TSPAN18: variants seen among roughly 807,000 people sequenced by gnomAD.
The protein encoded by TSPAN18 is tetraspanin 18.
TSPAN18 carries 14 observed loss-of-function variants against 27.3 expected under a neutral mutation model. The ratio of observed to expected loss-of-function variants is 0.51; its 90% CI spans 0.34 to 0.80. The LOEUF (loss-of-function observed/expected upper bound fraction) is 0.80, where lower values mean the gene tolerates loss of function less well. Ranked by LOEUF, TSPAN18 falls within the 30% of genes least tolerant of loss-of-function variation. TSPAN18 has a pLI of 0.01. For synonymous variants in TSPAN18, 143 were observed against 136.5 expected (o/e 1.05, Z -0.33); for missense variants, 268 against 323.9 (o/e 0.83, Z 1.32).
chr11:44,882,692 G>C (rs1858529503), intron 3 of TSPAN18, among the ~76,000 whole-genome samples: 1 of 151,948 alleles, frequency 6.6e-6, no homozygotes, highest in South Asian at 2.1e-4. Flanking sequence ...CAGAGACAGA[G>C]AGACAAGACT....
At chr11:44,849,555 G>A (rs1409293122) in intron 2 of TSPAN18, among the ~76,000 whole-genome samples, 1 of 152,156 alleles carries the variant, frequency 6.6e-6, no homozygotes, top group Non-Finnish European at 1.5e-5. Flanking sequence ...GCAGATGGGG[G>A]TGTGGCCTCC....
At chr11:44,729,774 A>G (rs1854607047) in intron 1 of TSPAN18, among the ~76,000 whole-genome samples, 2 of 152,144 alleles carry the variant, frequency 1.3e-5, no homozygotes, top group African/African-American at 4.8e-5. Flanking sequence ...TCTGCCCTTT[A>G]AAAAATGAGA....
chr11:44,915,904 C>G (rs915244123), intron 5 of TSPAN18, among the ~76,000 whole-genome samples: 1 of 152,156 alleles, frequency 6.6e-6, no homozygotes, highest in East Asian at 1.9e-4. Flanking sequence ...AAGCCTGTGT[C>G]GGAGCAGCTG....
At chr11:44,908,050 G>A (rs865941476) in intron 4 of TSPAN18, among the ~76,000 whole-genome samples, 5 of 70,460 alleles carry the variant, frequency 7.1e-5, no homozygotes, top group Admixed American at 1.8e-4. Flanking sequence ...GTGAAACTCC[G>A]TCTCAGAAAA....
Position 44,827,526 on chromosome 11 carries a change from G to T in TSPAN18, c.-152-32802G>T, listed in dbSNP as rs147083651. Among the ~76,000 whole-genome samples the T allele has an allele frequency of 4.5e-3, 687 of 152,316 alleles. 6 individuals carry two copies. The highest frequency in any genetic ancestry group is 0.013 in the African/African-American group (542 of 41,564). ...GCCAGGGCAGGTAGGGAAGATGGGG[G>T]TGTCTCCAGGTAGGTGATTTCCTTA... On this transcript the variant is annotated intron_variant, in intron 2 of 9. Coordinates refer to ENST00000520358, the MANE Select transcript of TSPAN18 (RefSeq NM_130783.5).
intron 2 of TSPAN18, among the ~76,000 whole-genome samples, chr11:44,811,410 A>G (rs76609987): frequency 0.13 from 19,634 of 152,146 alleles, 1,676 homozygotes; most frequent in Non-Finnish European, 0.19. Flanking sequence ...ATGTAAGCAC[A>G]ATTAATCTCC....
At chr11:44,814,838 A>G (rs1856789652) in intron 2 of TSPAN18, among the ~76,000 whole-genome samples, 1 of 152,230 alleles carries the variant, frequency 6.6e-6, no homozygotes, top group Admixed American at 6.5e-5. Flanking sequence ...TAAAGAAAGC[A>G]AGTACATAAG....
At chr11:44,817,114 G>A in intron 2 of TSPAN18, among the ~76,000 whole-genome samples, 1 of 152,340 alleles carries the variant, frequency 6.6e-6, no homozygotes, top group Non-Finnish European at 1.5e-5. Context: ...TCCCTTTAGG[G>A]ATGCCCTTGT....
chr11:44,820,254 C>T (rs999261684), intron 2 of TSPAN18, among the ~76,000 whole-genome samples: 1 of 152,214 alleles, frequency 6.6e-6, no homozygotes, highest in Non-Finnish European at 1.5e-5. Context: ...AGCCAACTGG[C>T]CAGAGCCCTA....
At position 44,833,795 on chromosome 11, in the gene TSPAN18, T is replaced by G. The variant is rs565350729; in HGVS notation, c.-152-26533T>G. ...CCCCACCTGGGCCTTGATTCTTCTTTCTTAAAAGTCACCTGGTGGGTCTCT... is the reference window on the plus strand; with the variant it reads ...CCCCACCTGGGCCTTGATTCTTCTTGCTTAAAAGTCACCTGGTGGGTCTCT... On this transcript the variant is annotated intron_variant, in intron 2 of 9. Coordinates refer to ENST00000520358, the MANE Select transcript of TSPAN18 (RefSeq NM_130783.5). Among the ~76,000 whole-genome samples the G allele has an allele frequency of 1.1e-3, 170 of 151,998 alleles. 1 individual carries two copies. In the Middle Eastern group the frequency reaches 0.02, roughly 18 times the overall value.
At chr11:44,916,071 G>A (rs1859898447) in intron 5 of TSPAN18, among the ~76,000 whole-genome samples, 1 of 152,214 alleles carries the variant, frequency 6.6e-6, no homozygotes, top group Non-Finnish European at 1.5e-5. Context: ...CTGAAGCAAG[G>A]GGCTCTCTTT....
intron 2 of TSPAN18, among the ~76,000 whole-genome samples, chr11:44,857,464 G>A (rs1857767478): frequency 6.6e-6 from 1 of 152,226 alleles, no homozygotes; most frequent in Non-Finnish European, 1.5e-5. Context: ...TTCCCTACCT[G>A]CTGGCAGCAG....
intron 2 of TSPAN18, among the ~76,000 whole-genome samples, chr11:44,790,520 T>C (rs1400550704): frequency 7.2e-6 from 1 of 139,322 alleles, no homozygotes; most frequent in African/African-American, 2.7e-5. Context: ...TGCATGTGTT[T>C]TTGGTGTGTG....
chr11:44,851,623 C>CCG (rs1554991801), intron 2 of TSPAN18, among the ~76,000 whole-genome samples: 2 of 148,596 alleles, frequency 1.3e-5, no homozygotes, highest in South Asian at 2.2e-4. Context: ...CCTCCCCCCC[C>CCG]CAACGGCTGG....
At chr11:44,791,411 C>T (rs907049314) in intron 2 of TSPAN18, among the ~76,000 whole-genome samples, 2 of 152,226 alleles carry the variant, frequency 1.3e-5, no homozygotes, top group African/African-American at 4.8e-5. Flanking sequence ...ATAATGGATA[C>T]ACCAGGTCCC....
intron 3 of TSPAN18, among the ~76,000 whole-genome samples, chr11:44,868,313 A>G (rs1858095302): frequency 6.6e-6 from 1 of 152,200 alleles, no homozygotes; most frequent in African/African-American, 2.4e-5. Context: ...GGGATAGAGA[A>G]AAACAAAATA....
At chr11:44,735,217 A>C (rs995361295) in intron 1 of TSPAN18, among the ~76,000 whole-genome samples, 2 of 152,244 alleles carry the variant, frequency 1.3e-5, no homozygotes, top group Non-Finnish European at 2.9e-5. Context: ...TGGGGCCCTC[A>C]GACACCTCAC....
At chr11:44,812,552 A>G (rs933507628) in intron 2 of TSPAN18, among the ~76,000 whole-genome samples, 1 of 152,100 alleles carries the variant, frequency 6.6e-6, no homozygotes, top group Non-Finnish European at 1.5e-5. Context: ...AACCCAGGGG[A>G]GGTGGTGCAA....
rs530021220 is a variant in TSPAN18 at position 44,793,927 on chromosome 11, A to G, written c.-153+29415A>G. 2.6e-5 allele frequency among the ~76,000 whole-genome samples: 4 copies of G among 151,022 alleles called. No homozygotes were observed. In the East Asian group the frequency reaches 7.8e-4, roughly 30 times the overall value. ...GGGATGCCGTTTCCACGGCAACCCC[A>G]CTCTAAGATAAGCAAGCCGCCTGTA... On this transcript the variant is annotated intron_variant, in intron 2 of 9. Coordinates refer to ENST00000520358, the MANE Select transcript of TSPAN18 (RefSeq NM_130783.5).
Sources: allele counts gnomAD v4.1 joint callset (sites outside exome capture counted in the v4.1 genomes callset), GRCh38; gene constraint gnomAD v4.1.1; transcripts MANE v1.5; gene names NCBI Gene and HGNC (gene_info 2026-07-23, HGNC 2026-07-21).